SYT1: variants seen among roughly 807,000 people sequenced by gnomAD.
SYT1 encodes synaptotagmin 1, also known as synaptotagmin-1.
A neutral mutation model predicts 44.8 loss-of-function variants in SYT1; 8 were observed. The observed-to-expected ratio is 0.18, with a 90% CI of 0.10 to 0.32. The LOEUF (loss-of-function observed/expected upper bound fraction) is 0.32, where lower values mean the gene tolerates loss of function less well. Ranked by LOEUF, SYT1 falls within the 10% of genes least tolerant of loss-of-function variation. The pLI, the probability that SYT1 is intolerant of heterozygous loss-of-function variation, is 1.00. For synonymous variants in SYT1, 154 were observed against 188.8 expected, an observed-to-expected ratio of 0.82 and a Z score of 1.51; for missense variants, 286 against 509.3, an observed-to-expected ratio of 0.56 and a Z score of 4.22.
At chr12:79,290,047 A>C (rs1879501647) in intron 5 of SYT1, among the ~76,000 whole-genome samples, 1 of 152,212 alleles carries the variant, frequency 6.6e-6, no homozygotes, top group Non-Finnish European at 1.5e-5. Context: ...TCAAAGAAAC[A>C]ATGAAGCATA....
chr12:79,249,393 C>T (rs972464299), intron 4 of SYT1, among the ~76,000 whole-genome samples: 2 of 152,052 alleles, frequency 1.3e-5, no homozygotes, highest in African/African-American at 2.4e-5. Context: ...CTTGAGCCAC[C>T]GCGCCCGGCC....
At chr12:79,174,735 A>T (rs945300994) in intron 3 of SYT1, among the ~76,000 whole-genome samples, 3 of 152,050 alleles carry the variant, frequency 2.0e-5, no homozygotes, top group Non-Finnish European at 4.4e-5. Flanking sequence ...TTGGAATGGT[A>T]TTGCCAAGTC....
At chr12:78,987,281 A>G (rs977306517) in intron 2 of SYT1, among the ~76,000 whole-genome samples, 1 of 152,070 alleles carries the variant, frequency 6.6e-6, no homozygotes, top group Non-Finnish European at 1.5e-5. Flanking sequence ...GCATTCATCA[A>G]GTACACTTTA....
intron 3 of SYT1, among the ~76,000 whole-genome samples, chr12:79,193,001 G>T (rs1047391149): frequency 2.6e-5 from 4 of 151,310 alleles, no homozygotes; most frequent in African/African-American, 9.8e-5. Flanking sequence ...GTTCCATTCA[G>T]GTGATTCTAC....
At chr12:78,870,540 A>G (rs1421922928) in intron 1 of SYT1, among the ~76,000 whole-genome samples, 1 of 152,114 alleles carries the variant, frequency 6.6e-6, no homozygotes, top group Non-Finnish European at 1.5e-5. Flanking sequence ...ACATATTTGA[A>G]GAGTTTGAAA....
At chr12:78,999,027 G>A (rs975825738) in intron 2 of SYT1, among the ~76,000 whole-genome samples, 4 of 152,154 alleles carry the variant, frequency 2.6e-5, no homozygotes, top group African/African-American at 9.7e-5. Flanking sequence ...TAATATTGAT[G>A]TTCTAGAACA....
chr12:79,036,364 T>C (rs1041536246), intron 2 of SYT1: 4 of 151,846 alleles, frequency 2.6e-5, no homozygotes, highest in African/African-American at 9.7e-5. Flanking sequence ...AGATGGGTAT[T>C]GAATTAGCTC....
chr12:79,014,152 A>AT (rs1449328225), intron 2 of SYT1, among the ~76,000 whole-genome samples: 1 of 149,760 alleles, frequency 6.7e-6, no homozygotes, highest in Non-Finnish European at 1.5e-5. Flanking sequence ...AAAAAAAAAA[A>AT]AGAAAGAAAA....
At chr12:79,005,057 A>G (rs905062527) in intron 2 of SYT1, among the ~76,000 whole-genome samples, 2 of 152,032 alleles carry the variant, frequency 1.3e-5, no homozygotes, top group East Asian at 3.9e-4. Flanking sequence ...GTGTGGGCAC[A>G]GTAAAACTTT....
At chr12:79,060,556 A>G (rs1298714336) in intron 3 of SYT1, among the ~76,000 whole-genome samples, 3 of 152,094 alleles carry the variant, frequency 2.0e-5, no homozygotes, top group Admixed American at 6.6e-5. Context: ...ACTACGTCAT[A>G]TAAGTGGAAT....
chr12:78,988,675 G>T (rs1335480888), intron 2 of SYT1, among the ~76,000 whole-genome samples: 1 of 151,830 alleles, frequency 6.6e-6, no homozygotes, highest in Non-Finnish European at 1.5e-5. Flanking sequence ...TATACTTGGA[G>T]ATGTGAAGTC....
chr12:79,131,740 A>T (rs1868836502), intron 3 of SYT1, among the ~76,000 whole-genome samples: 1 of 152,232 alleles, frequency 6.6e-6, no homozygotes, highest in African/African-American at 2.4e-5. Flanking sequence ...AAACAAATCT[A>T]TACTGATAAT....
chr12:79,283,030 G>T (rs1288951814), intron 4 of SYT1, among the ~76,000 whole-genome samples: 1 of 151,990 alleles, frequency 6.6e-6, no homozygotes, highest in Non-Finnish European at 1.5e-5. Flanking sequence ...TAAATATTTG[G>T]TTACTCTACA....
At chr12:78,960,098 T>C (rs1879425826) in intron 1 of SYT1, among the ~76,000 whole-genome samples, 1 of 152,180 alleles carries the variant, frequency 6.6e-6, no homozygotes, top group African/African-American at 2.4e-5. Flanking sequence ...AGTCAATACA[T>C]TAGTGAAGAA....
intron 8 of SYT1, among the ~76,000 whole-genome samples, chr12:79,331,250 C>T (rs1432269433): frequency 6.6e-6 from 1 of 152,130 alleles, no homozygotes; most frequent in African/African-American, 2.4e-5. Flanking sequence ...TAATTTTACA[C>T]ATTTTCTTTA....
intron 3 of SYT1, among the ~76,000 whole-genome samples, chr12:79,206,653 C>G (rs1473788116): frequency 6.6e-6 from 1 of 152,226 alleles, no homozygotes; most frequent in Non-Finnish European, 1.5e-5. Flanking sequence ...GCTCTCAGTT[C>G]TAACAGTCTT....
intron 9 of SYT1, among the ~76,000 whole-genome samples, chr12:79,420,997 G>A (rs112840757): frequency 7.0e-4 from 107 of 152,180 alleles, no homozygotes; most frequent in African/African-American, 2.2e-3. Context: ...CCTTCACAAA[G>A]ATGCTTTCCT....
At chr12:79,006,670 A>G (rs977796300) in intron 2 of SYT1, among the ~76,000 whole-genome samples, 11 of 152,026 alleles carry the variant, frequency 7.2e-5, no homozygotes, top group Admixed American at 1.3e-4. Context: ...GAAATATACT[A>G]TGTAGGATCG....
chr12:79,012,455 A>G (rs1210806206), intron 2 of SYT1, among the ~76,000 whole-genome samples: 2 of 152,340 alleles, frequency 1.3e-5, no homozygotes, highest in East Asian at 1.9e-4. Context: ...TTACTCAAGC[A>G]TAATTGAGCA....
Sources: allele counts gnomAD v4.1 joint callset (sites outside exome capture counted in the v4.1 genomes callset), GRCh38; gene constraint gnomAD v4.1.1; transcripts MANE v1.5; gene names NCBI Gene and HGNC (gene_info 2026-07-23, HGNC 2026-07-21).